Variants in NR5A1 observed in about 807,000 individuals in gnomAD.
NR5A1 encodes the protein nuclear receptor subfamily 5 group A member 1, also known as steroidogenic factor 1.
NR5A1 carries 6 observed loss-of-function variants against 42.7 expected under a neutral mutation model. That is an observed-to-expected ratio of 0.14 (90% confidence interval 0.08 to 0.28). The LOEUF is 0.28. Ranked by LOEUF, NR5A1 falls within the 10% of genes least tolerant of loss-of-function variation. The pLI is 1.00. For missense variants in NR5A1, 442 were observed against 626.4 expected, an observed-to-expected ratio of 0.71 and a Z score of 3.14; for synonymous variants, 274 against 277.5, an observed-to-expected ratio of 0.99 and a Z score of 0.12.
At chr9:124,484,428 C>T (rs1832177287) in intron 6 of NR5A1, among the ~76,000 whole-genome samples, 2 of 152,108 alleles carry the variant, frequency 1.3e-5, no homozygotes, top group Non-Finnish European at 2.9e-5. Context: ...AGGATGAGAT[C>T]GATAAGGCTC....
At chr9:124,484,207 A>G (rs1212420429) in intron 6 of NR5A1, among the ~76,000 whole-genome samples, 1 of 152,188 alleles carries the variant, frequency 6.6e-6, no homozygotes, top group Non-Finnish European at 1.5e-5. Flanking sequence ...ATGTTTTTCA[A>G]CTTCTACACC....
chr9:124,506,640 A>G (rs1380598759), intron 1 of NR5A1, among the ~76,000 whole-genome samples: 1 of 151,974 alleles, frequency 6.6e-6, no homozygotes, highest in African/African-American at 2.4e-5. Context: ...TCTATCTCCA[A>G]TCCCCTCTCC....
In NR5A1 at chr9:124,482,117, A is replaced by T. The variant is rs1224622392; in HGVS notation, c.*641T>A. The stretch of plus-strand genomic sequence containing the variant: ...ATGCCTGGAGCAAAGTTTTTTCCCG[A>T]TGATGTATCAATGCCCCCTCTTGCA... On this transcript the variant is annotated 3_prime_UTR_variant, in exon 7 of 7. Coordinates refer to ENST00000373588, the MANE Select transcript of NR5A1 (RefSeq NM_004959.5). 6.5e-6 allele frequency: 1 copy of T among 153,782 alleles called. No individual in the cohort carries two copies. Among genetic ancestry groups the T allele is most frequent in the Non-Finnish European group, 1.4e-5 (1 of 69,144 alleles). 9.5% of individuals were successfully genotyped at this position (153,782 alleles called of 1,614,324 possible). A position where few individuals can be genotyped will look rare whatever the true frequency, so the allele number is the denominator to read the frequency against.
At position 124,501,716 on chromosome 9, in the gene NR5A1, C is replaced by T. The variant is rs530798380; in HGVS notation, c.245-1001G>A. Among the ~76,000 whole-genome samples the T allele has an allele frequency of 1.1e-4, 16 of 152,344 alleles. No homozygotes were observed. The highest frequency in any genetic ancestry group is 8.5e-4 in the Admixed American group (13 of 15,308). ...GCCCCTTGGGACCTGGCACTAGGGG[C>T]ATGGGCTCTGGGGACAGGACAGGAT... On this transcript the variant is annotated intron_variant, in intron 3 of 6. Coordinates refer to ENST00000373588, the MANE Select transcript of NR5A1 (RefSeq NM_004959.5). The surrounding 1 kb of genome is among the most constrained non-coding windows in gnomAD (Gnocchi z 4.1).
intron 6 of NR5A1, among the ~76,000 whole-genome samples, chr9:124,484,911 TGAACA>T (rs775139875): frequency 2.0e-5 from 3 of 152,084 alleles, no homozygotes; most frequent in Non-Finnish European, 4.4e-5. Flanking sequence ...CACCAATGAT[TGAACA>T]GAGGAGTGCA....
Position 124,500,745 on chromosome 9 carries a change from C to T in NR5A1, c.245-30G>A, listed in dbSNP as rs745394515. Reference sequence around the variant, plus strand: ...GGGCAGGGGCAGAGGGTCAGACTCACCCTCTCTAAGCCCCCTTCCATGCTG... The same window carrying T: ...GGGCAGGGGCAGAGGGTCAGACTCATCCTCTCTAAGCCCCCTTCCATGCTG... On this transcript the variant is annotated intron_variant, in intron 3 of 6. Transcript: ENST00000373588. This position sits in a 1 kb window ranked among gnomAD's most constrained non-coding sequence, Gnocchi z 6.9. 1 of 1,612,076 alleles carries T rather than the reference C, an allele frequency of 6.2e-7. No homozygotes were observed. The highest frequency in any genetic ancestry group is 8.5e-7 in the Non-Finnish European group (1 of 1,180,024).
intron 6 of NR5A1, among the ~76,000 whole-genome samples, chr9:124,485,417 T>C (rs962233870): frequency 6.6e-5 from 10 of 152,130 alleles, no homozygotes; most frequent in Non-Finnish European, 1.5e-4. Context: ...CTGGCAACCC[T>C]GATCCCTGGC....
intron 4 of NR5A1, among the ~76,000 whole-genome samples, chr9:124,499,716 A>G (rs1271203259): frequency 6.6e-6 from 1 of 152,136 alleles, no homozygotes; most frequent in Non-Finnish European, 1.5e-5. Flanking sequence ...GTCTCAGAGA[A>G]TGAGGGAAAT....
Position 124,500,052 on chromosome 9 carries a change from C to A in NR5A1, c.870+38G>T, listed in dbSNP as rs774804667. 4.3e-6 allele frequency: 7 copies of A among 1,612,986 alleles called. No individual in the cohort carries two copies. Among genetic ancestry groups the A allele is most frequent in the Non-Finnish European group, 5.9e-6 (7 of 1,179,978 alleles). On this transcript the variant is annotated intron_variant, in intron 4 of 6. Coordinates refer to ENST00000373588, the MANE Select transcript of NR5A1 (RefSeq NM_004959.5). The surrounding 1 kb of genome is among the most constrained non-coding windows in gnomAD (Gnocchi z 6.9). ...CTAAGGCTTGGGCAGCCGGGAGGAC[C>A]ATGATGCAGGGCCAGCCGGGCGGGA...
chr9:124,503,366 G>C lies in NR5A1; in HGVS notation c.30C>G (p.Asp10Glu). 3 of 1,611,306 alleles carry C rather than the reference G, an allele frequency of 1.9e-6. No individual in the cohort carries two copies. The highest frequency in any genetic ancestry group is 1.7e-6 in the Non-Finnish European group (2 of 1,179,386). Reference sequence around the variant, plus strand: ...TGTCCCCGCACACGGGGCACAGCTCGTCCAGGTCCTCGTCGTACGAATAGT... The same window carrying C: ...TGTCCCCGCACACGGGGCACAGCTCCTCCAGGTCCTCGTCGTACGAATAGT... Reference protein sequence around the residue: MDYSYDEDLDELCPVCGDKV... With the variant: MDYSYDEDLEELCPVCGDKV... Residue 10 changes from aspartate to glutamate, a missense_variant, in exon 2 of 7, where the codon GAC becomes GAG. By Grantham distance (45) the Asp-to-Glu change is conservative. Transcript: ENST00000373588. The surrounding 1 kb of genome is among the most constrained non-coding windows in gnomAD (Gnocchi z 9.6).
chr9:124,491,015 T>TCCC, intron 6 of NR5A1, 66 bp downstream of exon 6: 1 of 634,816 alleles, frequency 1.6e-6, no homozygotes, highest in Non-Finnish European at 2.8e-6. Context: ...CTCTCCAGCC[T>TCCC]CACCCACCCT....
Position 124,500,357 on chromosome 9 carries a change from A to G in NR5A1, c.603T>C (p.Tyr201=), listed in dbSNP as rs1389543537. ...RAIKSEYPEP[Y]ASPPQPGLPY... Reference sequence around the variant, plus strand: ...GCAGCCCAGGCTGTGGGGGGCTGGCATAAGGCTCCGGGTACTCAGACTTGA... The same window carrying G: ...GCAGCCCAGGCTGTGGGGGGCTGGCGTAAGGCTCCGGGTACTCAGACTTGA... The change falls in exon 4 of 7, where the codon TAT becomes TAC. Residue 201 remains tyrosine (Y), a synonymous_variant. Coordinates refer to ENST00000373588, the MANE Select transcript of NR5A1 (RefSeq NM_004959.5). The surrounding 1 kb of genome is among the most constrained non-coding windows in gnomAD (Gnocchi z 6.9). The G allele has an allele frequency of 1.9e-5, 29 of 1,556,312 alleles. No homozygotes were observed. Among genetic ancestry groups the G allele is most frequent in the East Asian group, 2.4e-5 (1 of 41,324 alleles).
chr9:124,491,036 C>CCCCCCCGGGGGGGGG, intron 6 of NR5A1, 45 bp downstream of exon 6: 13 of 1,401,588 alleles, frequency 9.3e-6, no homozygotes, highest in East Asian at 3.0e-5. Flanking sequence ...CCCACCCACC[C>CCCCCCCGGGGGGGGG]GCCTCTGGCT....
rs1316849072 is a variant in NR5A1 at position 124,482,334 on chromosome 9, C to T, written c.*424G>A. 1 of 304,124 alleles carries T rather than the reference C, an allele frequency of 3.3e-6. No individual in the cohort carries two copies. Among genetic ancestry groups the T allele is most frequent in the Non-Finnish European group, 6.5e-6 (1 of 154,152 alleles). 18.8% of individuals were successfully genotyped at this position (304,124 alleles called of 1,614,324 possible). ...CCCTCTCTCCTCCCCTAGTTGATAC[C>T]TGCTCAACTTCTCCCTGTCTGTTTC... is the stretch of plus-strand genomic sequence containing the variant. On this transcript the variant is annotated 3_prime_UTR_variant, in exon 7 of 7. Transcript: ENST00000373588.
Position 124,493,054 on chromosome 9 carries a change from G to T in NR5A1, c.966C>A (p.Ser322Arg). Residue 322 changes from serine (S) to arginine (R), a missense_variant, in exon 5 of 7, where the codon AGC (serine) becomes AGA (arginine). Coordinates refer to ENST00000373588, the MANE Select transcript of NR5A1 (RefSeq NM_004959.5). ...CCTCCTGCCCGGTGACCAGCAGGATGCTGCCCTCCTTGCCGTGCTGGACCT... is the reference window on the plus strand; with the variant it reads ...CCTCCTGCCCGGTGACCAGCAGGATTCTGCCCTCCTTGCCGTGCTGGACCT... ...YRQVQHGKEG[S>R]ILLVTGQEVE... 6.2e-7 allele frequency: 1 copy of T among 1,607,222 alleles called. No individual in the cohort carries two copies. Among genetic ancestry groups the T allele is most frequent in the East Asian group, 2.2e-5 (1 of 44,718 alleles).
Position 124,488,742 on chromosome 9 carries a change from G to A in NR5A1, c.1138+2339C>T, listed in dbSNP as rs1832259845. Among the ~76,000 whole-genome samples, 4 of 152,250 alleles carry A rather than the reference G, an allele frequency of 2.6e-5. No individual in the cohort carries two copies. In the South Asian group the frequency reaches 8.3e-4, roughly 31 times the overall value. ...GGGAAATAGAAGCTCAGAGAGGGGA[G>A]TGACTTGCCCAAGGGCACACAGCCA... On this transcript the variant is annotated intron_variant, in intron 6 of 6. Transcript: ENST00000373588.
rs896595144 is a variant in NR5A1, at chr9:124,487,699, G to A, written c.1138+3382C>T. Among the ~76,000 whole-genome samples, 6 of 152,356 alleles carry A rather than the reference G, an allele frequency of 3.9e-5. No homozygotes were observed. The East Asian group carries it at 7.7e-4, about 20-fold the overall frequency. On this transcript the variant is annotated intron_variant, in intron 6 of 6. Coordinates refer to ENST00000373588, the MANE Select transcript of NR5A1 (RefSeq NM_004959.5). ...TCCGGCCCAGGGCGGAGCCGCCCCC[G>A]AGGGGGACGCCCTGCGCGCCAGCTG...
At chr9:124,492,879 G>A in intron 5 of NR5A1, 151 bp downstream of exon 5, 1 of 991,856 alleles carries the variant, frequency 1.0e-6, no homozygotes, top group Non-Finnish European at 1.4e-6. Flanking sequence ...TGGGCCAGTG[G>A]GTGTTCCATG....
chr9:124,488,434 A>G lies in NR5A1; in HGVS notation c.1138+2647T>C, dbSNP rs1832255321. Among the ~76,000 whole-genome samples, 3 of 152,180 alleles carry G rather than the reference A, an allele frequency of 2.0e-5. No individual in the cohort carries two copies. In the South Asian group the frequency reaches 6.2e-4, roughly 32 times the overall value. On this transcript the variant is annotated intron_variant, in intron 6 of 6. Coordinates refer to ENST00000373588, the MANE Select transcript of NR5A1 (RefSeq NM_004959.5). ...ACCAGGTTCCTGGCCTGCTGGGCTCAGGGCTCACCCACCCACATCAGCCAG... is the reference window on the plus strand; with the variant it reads ...ACCAGGTTCCTGGCCTGCTGGGCTCGGGGCTCACCCACCCACATCAGCCAG...
Sources: allele counts gnomAD v4.1 joint callset (sites outside exome capture counted in the v4.1 genomes callset), GRCh38; gene constraint gnomAD v4.1.1; non-coding constraint Gnocchi (gnomAD v3.1); transcripts MANE v1.5; gene names NCBI Gene and HGNC (gene_info 2026-07-23, HGNC 2026-07-21).